Variants in NBAS observed in about 807,000 individuals in gnomAD.
NBAS encodes NAG/BC035112 fusion.
Under a neutral mutation model 302.5 loss-of-function variants are expected in NBAS, and 219 were observed. That is an observed-to-expected ratio of 0.72 (90% CI 0.65 to 0.81). The LOEUF is 0.81. Ranked by LOEUF, NBAS falls within the 30% of genes least tolerant of loss-of-function variation. The pLI, the probability that NBAS is intolerant of heterozygous loss-of-function variation, is 0.00. For synonymous variants in NBAS, 1,118 were observed against 1,021.6 expected (o/e 1.09, Z -1.80); for missense variants, 2,932 against 2,841.6 (o/e 1.03, Z -0.72).
intron 2 of NBAS, 151 bp downstream of exon 2, chr2:15,558,429 C>G: frequency 1.6e-6 from 1 of 607,174 alleles, no homozygotes; most frequent in Non-Finnish European, 2.9e-6. Flanking sequence ...CAAATGTATA[C>G]ATATACATAC....
chr2:14,788,619 G>A, the NBAS span, among the ~76,000 whole-genome samples: 7 of 152,132 alleles, frequency 4.6e-5, no homozygotes, highest in East Asian at 1.9e-4. Context: ...ACAGAACAGC[G>A]GTGGCCACAG....
At chr2:15,281,099 A>G (rs1292595677) in intron 42 of NBAS, among the ~76,000 whole-genome samples, 1 of 152,178 alleles carries the variant, frequency 6.6e-6, no homozygotes, top group African/African-American at 2.4e-5. Flanking sequence ...AGTGTCTTAG[A>G]GTCTATTTCT....
chr2:15,214,162 C>A (rs1175240413), intron 48 of NBAS, among the ~76,000 whole-genome samples: 2 of 152,106 alleles, frequency 1.3e-5, no homozygotes, highest in Non-Finnish European at 2.9e-5. Flanking sequence ...TCCTGCCCTG[C>A]CATTTTAAGG....
chr2:15,121,919 T>C, the NBAS span, among the ~76,000 whole-genome samples: 1 of 152,224 alleles, frequency 6.6e-6, no homozygotes, highest in Non-Finnish European at 1.5e-5. Flanking sequence ...GTATGTACTT[T>C]ATTTTCTGCA....
chr2:15,049,197 AC>A, the NBAS span, among the ~76,000 whole-genome samples: 3 of 152,044 alleles, frequency 2.0e-5, no homozygotes, highest in East Asian at 5.8e-4. Context: ...TTCCACCTGC[AC>A]CCCCAGCTCC....
the NBAS span, among the ~76,000 whole-genome samples, chr2:15,106,451 GTC>G: frequency 7.3e-3 from 1,076 of 147,900 alleles, 13 homozygotes; most frequent in African/African-American, 0.023. Flanking sequence ...CTCTGTCTCT[GTC>G]TCTCTCTCTC....
the NBAS span, among the ~76,000 whole-genome samples, chr2:15,032,763 C>A: frequency 6.6e-6 from 1 of 152,184 alleles, no homozygotes; most frequent in African/African-American, 2.4e-5. Context: ...AGTAGGAAAA[C>A]TGCCAGTTCC....
chr2:15,542,704 A>G (rs1663909585), intron 6 of NBAS, among the ~76,000 whole-genome samples: 2 of 152,196 alleles, frequency 1.3e-5, no homozygotes, highest in Admixed American at 1.3e-4. Flanking sequence ...CAAAATAACA[A>G]AAGAATAAAA....
chr2:15,302,277 G>A (rs1572619866), intron 40 of NBAS, among the ~76,000 whole-genome samples: 1 of 152,098 alleles, frequency 6.6e-6, no homozygotes, highest in East Asian at 1.9e-4. Flanking sequence ...ACCTACAATC[G>A]GATGCTTTCC....
chr2:15,438,240 C>A (rs753162990), intron 21 of NBAS, among the ~76,000 whole-genome samples: 1 of 152,122 alleles, frequency 6.6e-6, no homozygotes, highest in Admixed American at 6.6e-5. Context: ...GAGACATTAA[C>A]CTTATAGTAC....
At chr2:15,474,672 T>C (rs1001508131) in intron 14 of NBAS, among the ~76,000 whole-genome samples, 3 of 152,134 alleles carry the variant, frequency 2.0e-5, no homozygotes, top group African/African-American at 7.2e-5. Context: ...ACGATTCTCC[T>C]GCCTCAGCCT....
chr2:14,781,974 C>G, the NBAS span, among the ~76,000 whole-genome samples: 1 of 152,136 alleles, frequency 6.6e-6, no homozygotes, highest in African/African-American at 2.4e-5. Flanking sequence ...CCCTGTCTGT[C>G]TCTTCCTCCT....
Position 15,184,494 on chromosome 2 carries a change from G to A in NBAS, c.6711+2248C>T, listed in dbSNP as rs561320010. Among the ~76,000 whole-genome samples, 7 of 151,730 alleles carry A rather than the reference G, an allele frequency of 4.6e-5. No homozygotes were observed. The South Asian group carries it at 1.5e-3, about 32-fold the overall frequency. The stretch of plus-strand genomic sequence containing the variant: ...GGCTACAGTGACGCATCATCATAAG[G>A]AATAAGGAGTGCACAACCCAGATCC... On this transcript the variant is annotated intron_variant, in intron 50 of 51. Coordinates refer to ENST00000281513, the MANE Select transcript of NBAS (RefSeq NM_015909.4).
intron 40 of NBAS, among the ~76,000 whole-genome samples, chr2:15,300,933 T>C (rs1670768338): frequency 6.6e-6 from 1 of 152,082 alleles, no homozygotes; most frequent in South Asian, 2.1e-4. Context: ...GATGTTAAAT[T>C]CAGAGAAATC....
At chr2:15,160,983 C>T in the NBAS span, among the ~76,000 whole-genome samples, 1 of 152,304 alleles carries the variant, frequency 6.6e-6, no homozygotes, top group African/African-American at 2.4e-5. Flanking sequence ...AAGGAGATAA[C>T]TGGATGCTGC....
chr2:15,225,830 C>T (rs1408727143), intron 47 of NBAS, among the ~76,000 whole-genome samples: 1 of 152,152 alleles, frequency 6.6e-6, no homozygotes, highest in African/African-American at 2.4e-5. Context: ...GCTTGTGGGA[C>T]ATTCCTGTTA....
At chr2:15,298,633 T>C (rs1276235786) in intron 40 of NBAS, among the ~76,000 whole-genome samples, 3 of 152,226 alleles carry the variant, frequency 2.0e-5, no homozygotes, top group Admixed American at 6.5e-5. Flanking sequence ...TTACTTCCGA[T>C]ATTCAAATTA....
At chr2:15,014,722 A>ATC in the NBAS span, among the ~76,000 whole-genome samples, 20 of 152,152 alleles carry the variant, frequency 1.3e-4, no homozygotes, top group Non-Finnish European at 2.4e-4. Flanking sequence ...TTAATGATAC[A>ATC]TCTGAAGGAA....
the NBAS span, among the ~76,000 whole-genome samples, chr2:15,155,618 T>C: frequency 6.6e-6 from 1 of 152,128 alleles, no homozygotes; most frequent in African/African-American, 2.4e-5. Flanking sequence ...GAGCAGATGG[T>C]GTCCTGCTGG....
Sources: gnomAD v4.1 joint callset for allele counts (sites outside exome capture counted in the v4.1 genomes callset) on GRCh38, gnomAD v4.1.1 for gene constraint, MANE v1.5 for transcripts, NCBI Gene and HGNC (gene_info 2026-07-23, HGNC 2026-07-21) for gene names.